The following ADIPOR1 variants were observed in gnomAD, a reference collection of about 807,000 sequenced individuals.
The protein encoded by ADIPOR1 is adiponectin receptor protein 1.
Under a neutral mutation model 37.5 loss-of-function variants are expected in ADIPOR1, and 15 were observed. That is an observed-to-expected ratio of 0.40 (90% CI 0.27 to 0.62). The LOEUF is 0.62. Among genes scored for constraint, ADIPOR1 ranks in the 20% least tolerant of loss-of-function variants. ADIPOR1 has a pLI of 0.42. For missense variants in ADIPOR1, 286 were observed against 478.0 expected (o/e 0.60, Z 3.75); for synonymous variants, 173 against 173.2 (o/e 1.00, Z 0.01).
At chr1:202,943,438 T>C (rs1437092179) in intron 6 of ADIPOR1, among the ~76,000 whole-genome samples, 1 of 152,238 alleles carries the variant, frequency 6.6e-6, no homozygotes, top group South Asian at 2.1e-4. Context: ...TGGTCTGAGC[T>C]TGGGACTCGG....
chr1:202,946,738 C>A lies in ADIPOR1; in HGVS notation c.259-128G>T, dbSNP rs1399011398. The A allele has an allele frequency of 1.3e-5, 11 of 852,720 alleles. No individual in the cohort carries two copies. The Admixed American group carries it at 2.6e-4, about 20-fold the overall frequency. The allele number at this position is 852,720 out of a possible 1,614,324, so 52.8% of individuals were successfully genotyped here. ...AATGGTCCTAGGTAATAGTGGAGAA[C>A]CAGCCTGGACTGGGGGATATCCAAG... On this transcript the variant is annotated intron_variant, in intron 3 of 7. Coordinates refer to ENST00000340990, the MANE Select transcript of ADIPOR1 (RefSeq NM_015999.6).
intron 3 of ADIPOR1, 76 bp downstream of exon 3, chr1:202,948,228 C>A: frequency 8.1e-7 from 1 of 1,236,918 alleles, no homozygotes; most frequent in Non-Finnish European, 1.1e-6. Flanking sequence ...CGACCCAGTG[C>A]AAGCTTGCTG....
chr1:202,947,745 T>C (rs1654394470), intron 3 of ADIPOR1, among the ~76,000 whole-genome samples: 1 of 152,168 alleles, frequency 6.6e-6, no homozygotes, highest in Admixed American at 6.5e-5. Flanking sequence ...CTAGGATCCA[T>C]GCACTATGGA....
intron 1 of ADIPOR1, among the ~76,000 whole-genome samples, chr1:202,955,380 A>G (rs560954547): frequency 6.9e-6 from 1 of 145,056 alleles, no homozygotes; most frequent in African/African-American, 2.6e-5. Context: ...GGCATGTGCC[A>G]CCATGCCCAG....
At chr1:202,955,644 G>T (rs1374224969) in intron 1 of ADIPOR1, among the ~76,000 whole-genome samples, 2 of 152,012 alleles carry the variant, frequency 1.3e-5, no homozygotes, top group Non-Finnish European at 2.9e-5. Context: ...GCCAGTTCCA[G>T]GCCCAGGCTA....
At position 202,951,138 on chromosome 1, in the gene ADIPOR1, G is replaced by A; in HGVS notation, c.-68C>T. 4 of 1,591,124 alleles carry A rather than the reference G, an allele frequency of 2.5e-6. No homozygotes were observed. The East Asian group carries it at 6.7e-5, about 27-fold the overall frequency. On this transcript the variant is annotated 5_prime_UTR_variant, in exon 2 of 8. Coordinates refer to ENST00000340990, the MANE Select transcript of ADIPOR1 (RefSeq NM_015999.6). ...GGTTGGGGTCTCTCAGCCCCAGGGG[G>A]CAGAGATCTCCCTCTGATGGTAGAC...
chr1:202,957,596 C>A (rs573138048), intron 1 of ADIPOR1, among the ~76,000 whole-genome samples: 1 of 152,164 alleles, frequency 6.6e-6, no homozygotes, highest in Non-Finnish European at 1.5e-5. Context: ...AAAGTACCTT[C>A]GATTCTGCCC....
intron 4 of ADIPOR1, among the ~76,000 whole-genome samples, chr1:202,946,105 G>A (rs1465326127): frequency 6.6e-6 from 1 of 151,148 alleles, no homozygotes; most frequent in Non-Finnish European, 1.5e-5. Flanking sequence ...ACTGGTCACA[G>A]AAACCCAGAC....
At chr1:202,958,476 T>A, upstream of ADIPOR1, 1 of 132,380 alleles carries the variant, frequency 7.6e-6, no homozygotes, top group Non-Finnish European at 1.6e-5. Flanking sequence ...CCTGCCCACC[T>A]CCCCGCCGCA....
At chr1:202,951,305 C>A (rs914696425) in intron 1 of ADIPOR1, 141 bp from the exon 2 acceptor site, 3 of 516,240 alleles carry the variant, frequency 5.8e-6, no homozygotes, top group African/African-American at 5.7e-5. Context: ...TAAATGAAAT[C>A]TATTCCTGTC....
chr1:202,950,267 T>A (rs370649268), intron 2 of ADIPOR1, among the ~76,000 whole-genome samples: 2 of 151,656 alleles, frequency 1.3e-5, no homozygotes, highest in African/African-American at 4.8e-5. Context: ...CCGGCCCTGA[T>A]AGTCCCTTTA....
intron 1 of ADIPOR1, among the ~76,000 whole-genome samples, chr1:202,952,815 T>C (rs1451403865): frequency 6.6e-6 from 1 of 152,218 alleles, no homozygotes; most frequent in African/African-American, 2.4e-5. Context: ...ATGTATCCTA[T>C]TGGTGCTTTC....
chr1:202,951,162 A>G lies in ADIPOR1; in HGVS notation c.-92T>C, dbSNP rs1332660500. On this transcript the variant is annotated splice_region_variant and 5_prime_UTR_variant, in exon 2 of 8. Transcript: ENST00000340990. ...GGCAGAGATCTCCCTCTGATGGTAG[A>G]CACTAAAAGAAAATACAAACATGAA... The G allele has an allele frequency of 4.1e-6, 6 of 1,477,934 alleles. No individual in the cohort carries two copies. Among genetic ancestry groups the G allele is most frequent in the Non-Finnish European group, 5.6e-6 (6 of 1,078,380 alleles). The allele number at this position is 1,477,934 out of a possible 1,614,324, so 91.6% of individuals were successfully genotyped here. A position where few individuals can be genotyped will look rare whatever the true frequency, so the allele number is the denominator to read the frequency against.
intron 5 of ADIPOR1, 39 bp from the exon 6 acceptor site, chr1:202,943,984 A>T: frequency 6.4e-7 from 1 of 1,560,412 alleles, no homozygotes; most frequent in Middle Eastern, 1.7e-4. Flanking sequence ...TCAGTGGGGG[A>T]AATGAATTTG....
At chr1:202,952,419 A>G (rs1654613133) in intron 1 of ADIPOR1, among the ~76,000 whole-genome samples, 1 of 152,168 alleles carries the variant, frequency 6.6e-6, no homozygotes, top group Non-Finnish European at 1.5e-5. Context: ...GGGAGACACT[A>G]TATCATCCAT....
Position 202,948,435 on chromosome 1 carries a change from A to C in ADIPOR1, c.142-15T>G. 6.2e-7 allele frequency: 1 copy of C among 1,605,854 alleles called. No individual in the cohort carries two copies. Among genetic ancestry groups the C allele is most frequent in the South Asian group, 1.1e-5 (1 of 90,904 alleles). ...TCTTCTTCAGCCTATGGGGGAAAAAACCCACAACAATCCAGGGAGTCATCT... is the reference window on the plus strand; with the variant it reads ...TCTTCTTCAGCCTATGGGGGAAAAACCCCACAACAATCCAGGGAGTCATCT... On this transcript the variant is annotated splice_polypyrimidine_tract_variant and intron_variant, in intron 2 of 7. Transcript: ENST00000340990.
At chr1:202,941,983 T>C in intron 7 of ADIPOR1, 42 bp downstream of exon 7, 1 of 1,572,520 alleles carries the variant, frequency 6.4e-7, no homozygotes. Context: ...TTTGGGCTGT[T>C]CACTCACCAT....
Position 202,951,123 on chromosome 1 carries a change from T to C in ADIPOR1, c.-53A>G. ...TTCAGCTTGGGGAAAGGTTGGGGTC[T>C]CTCAGCCCCAGGGGGCAGAGATCTC... On this transcript the variant is annotated 5_prime_UTR_variant, in exon 2 of 8. Coordinates refer to ENST00000340990, the MANE Select transcript of ADIPOR1 (RefSeq NM_015999.6). 1 of 1,609,394 alleles carries C rather than the reference T, an allele frequency of 6.2e-7. No individual in the cohort carries two copies. The highest frequency in any genetic ancestry group is 8.5e-7 in the Non-Finnish European group (1 of 1,176,538).
chr1:202,957,424 C>T (rs1160317639), intron 1 of ADIPOR1, among the ~76,000 whole-genome samples: 2 of 151,880 alleles, frequency 1.3e-5, no homozygotes, highest in African/African-American at 4.8e-5. Flanking sequence ...CTGAAATTGG[C>T]CTTGTCAGTT....
Sources: allele counts gnomAD v4.1 joint callset (sites outside exome capture counted in the v4.1 genomes callset), GRCh38; gene constraint gnomAD v4.1.1; transcripts MANE v1.5; gene names NCBI Gene and HGNC (gene_info 2026-07-23, HGNC 2026-07-21).